Variants in CTNNA2 observed in about 807,000 individuals in gnomAD.
CTNNA2 encodes the protein catenin alpha-2.
A neutral mutation model predicts 101.0 loss-of-function variants in CTNNA2; 42 were observed. The ratio of observed to expected loss-of-function variants is 0.42; its 90% confidence interval spans 0.32 to 0.54. The LOEUF (loss-of-function observed/expected upper bound fraction) is 0.54. CTNNA2 is among the 20% of genes least tolerant of loss of function. The pLI is 0.14. For synonymous variants in CTNNA2, 450 were observed against 456.4 expected (o/e 0.99, Z 0.18); for missense variants, 871 against 1,223.1 (o/e 0.71, Z 4.29).
At chr2:79,329,317 C>T (rs1676818318) in intron 3 of CTNNA2, among the ~76,000 whole-genome samples, 1 of 152,078 alleles carries the variant, frequency 6.6e-6, no homozygotes, top group South Asian at 2.1e-4. Flanking sequence ...TATCTCAACC[C>T]CGGGAACAAG....
At chr2:79,452,915 G>A (rs983118863) in intron 4 of CTNNA2, among the ~76,000 whole-genome samples, 1 of 152,032 alleles carries the variant, frequency 6.6e-6, no homozygotes, top group African/African-American at 2.4e-5. Flanking sequence ...TTTTTCAAAG[G>A]ATAACCACTG....
intron 1 of CTNNA2, among the ~76,000 whole-genome samples, chr2:79,569,996 A>G (rs1675362727): frequency 6.6e-6 from 1 of 152,170 alleles, no homozygotes; most frequent in African/African-American, 2.4e-5. Flanking sequence ...TCATAGTACA[A>G]CAGCATTACC....
chr2:80,312,290 C>T (rs112391667), intron 7 of CTNNA2, among the ~76,000 whole-genome samples: 3,997 of 152,220 alleles, frequency 0.026, 78 homozygotes, highest in Middle Eastern at 0.082. Context: ...AGGGTTGGAC[C>T]GCACAGTCTA....
chr2:80,182,428 A>G (rs1457305668), intron 7 of CTNNA2, among the ~76,000 whole-genome samples: 3 of 152,186 alleles, frequency 2.0e-5, no homozygotes, highest in African/African-American at 7.2e-5. Context: ...TGACTCAAGT[A>G]TTAATCTCCT....
chr2:80,155,556 T>G (rs1458196445), intron 7 of CTNNA2, among the ~76,000 whole-genome samples: 1 of 152,218 alleles, frequency 6.6e-6, no homozygotes, highest in Admixed American at 6.5e-5. Context: ...CTTTTCTTCT[T>G]TTCTTTTTTA....
chr2:80,639,962 C>T (rs1252032900), intron 18 of CTNNA2, among the ~76,000 whole-genome samples: 2 of 151,900 alleles, frequency 1.3e-5, no homozygotes, highest in Admixed American at 6.6e-5. Flanking sequence ...ATTAGCCAGG[C>T]GTGGTGGCAC....
At chr2:80,124,525 A>C (rs147260377) in intron 7 of CTNNA2, among the ~76,000 whole-genome samples, 1 of 152,144 alleles carries the variant, frequency 6.6e-6, no homozygotes, top group Non-Finnish European at 1.5e-5. Flanking sequence ...TATGCTCTCT[A>C]TTAGAATATA....
At chr2:79,669,548 T>C (rs1308114560) in intron 2 of CTNNA2, among the ~76,000 whole-genome samples, 2 of 152,230 alleles carry the variant, frequency 1.3e-5, no homozygotes, top group East Asian at 3.9e-4. Context: ...GCAGCTCCGC[T>C]CTATAGGCAG....
intron 7 of CTNNA2, among the ~76,000 whole-genome samples, chr2:79,991,918 T>G: frequency 6.6e-6 from 1 of 152,214 alleles, no homozygotes; most frequent in South Asian, 2.1e-4. Flanking sequence ...AGGTATGTTC[T>G]TAGCCAGGTC....
At chr2:79,782,394 G>A (rs1490614615) in intron 3 of CTNNA2, among the ~76,000 whole-genome samples, 1 of 151,994 alleles carries the variant, frequency 6.6e-6, no homozygotes, top group Non-Finnish European at 1.5e-5. Context: ...GCGCCACCAT[G>A]CCCAGGTAAT....
intron 15 of CTNNA2, among the ~76,000 whole-genome samples, chr2:80,603,310 CAT>C (rs1697717240): frequency 6.6e-6 from 1 of 152,000 alleles, no homozygotes; most frequent in South Asian, 2.1e-4. Flanking sequence ...ATTTAAAAGA[CAT>C]ATAATATTAA....
intron 15 of CTNNA2, among the ~76,000 whole-genome samples, chr2:80,598,882 T>C (rs1201506192): frequency 6.6e-6 from 1 of 152,208 alleles, no homozygotes; most frequent in Non-Finnish European, 1.5e-5. Context: ...GTGGGTTAAA[T>C]GGTATAAACA....
chr2:80,394,591 T>G (rs906306779), intron 8 of CTNNA2, among the ~76,000 whole-genome samples: 1 of 152,194 alleles, frequency 6.6e-6, no homozygotes, highest in African/African-American at 2.4e-5. Context: ...TATCCCCATT[T>G]GATATGAAAT....
chr2:79,956,606 C>A (rs1355371857), intron 7 of CTNNA2, among the ~76,000 whole-genome samples: 1 of 152,112 alleles, frequency 6.6e-6, no homozygotes, highest in Non-Finnish European at 1.5e-5. Context: ...TAGCATTAAG[C>A]TTTAGCGATG....
intron 17 of CTNNA2, among the ~76,000 whole-genome samples, chr2:80,613,199 C>A (rs1698602733): frequency 6.6e-6 from 1 of 151,408 alleles, no homozygotes; most frequent in African/African-American, 2.4e-5. Context: ...GATAGTGAAA[C>A]TATAACCATT....
intron 2 of CTNNA2, among the ~76,000 whole-genome samples, chr2:79,236,003 C>T (rs1382639161): frequency 6.6e-6 from 1 of 151,944 alleles, no homozygotes; most frequent in Non-Finnish European, 1.5e-5. Flanking sequence ...GCCTGCCTGG[C>T]TCTGAGGAGC....
intron 2 of CTNNA2, among the ~76,000 whole-genome samples, chr2:79,242,987 TATATATACACACACACAC>T (rs1674647558): frequency 1.8e-5 from 1 of 54,396 alleles, no homozygotes; most frequent in Non-Finnish European, 4.7e-5. Flanking sequence ...TATATATATA[TATATATACACACACACAC>T]ACACACACAC....
At chr2:79,610,455 G>C (rs1331991291) in intron 1 of CTNNA2, among the ~76,000 whole-genome samples, 1 of 152,120 alleles carries the variant, frequency 6.6e-6, no homozygotes, top group Non-Finnish European at 1.5e-5. Flanking sequence ...TAGCCAATAA[G>C]TGGAAATAAT....
chr2:79,435,030 C>A (rs1032746761), intron 4 of CTNNA2, among the ~76,000 whole-genome samples: 2 of 152,016 alleles, frequency 1.3e-5, no homozygotes, highest in Non-Finnish European at 2.9e-5. Flanking sequence ...TGTAACTAAC[C>A]ATAGTGCCTA....
Sources: gnomAD v4.1 joint callset for allele counts (sites outside exome capture counted in the v4.1 genomes callset) on GRCh38, gnomAD v4.1.1 for gene constraint, MANE v1.5 for transcripts, NCBI Gene and HGNC (gene_info 2026-07-23, HGNC 2026-07-21) for gene names.